BMPR1A: variants seen among roughly 807,000 people sequenced by gnomAD.
BMPR1A encodes the protein bone morphogenetic protein receptor type 1A, also known as bone morphogenetic protein receptor type-1A.
BMPR1A carries 7 observed loss-of-function variants against 66.0 expected under a neutral mutation model. The ratio of observed to expected loss-of-function variants is 0.11; its 90% CI spans 0.06 to 0.20. The LOEUF (loss-of-function observed/expected upper bound fraction) is 0.20, where lower values mean the gene tolerates loss of function less well. Among genes scored for constraint, BMPR1A ranks in the 10% least tolerant of loss-of-function variants. The pLI is 1.00. For synonymous variants in BMPR1A, 200 were observed against 229.7 expected (o/e 0.87, Z 1.17); for missense variants, 408 against 669.1 (o/e 0.61, Z 4.31).
chr10:86,828,381 G>A (rs531861032), intron 1 of BMPR1A, among the ~76,000 whole-genome samples: 56 of 152,212 alleles, frequency 3.7e-4, no homozygotes, highest in Non-Finnish European at 6.8e-4. Context: ...TCCAGGTAGC[G>A]GTTCACAAAG....
At chr10:86,868,102 T>G (rs1842807563) in intron 2 of BMPR1A, among the ~76,000 whole-genome samples, 1 of 152,190 alleles carries the variant, frequency 6.6e-6, no homozygotes, top group Non-Finnish European at 1.5e-5. Flanking sequence ...TTCACTTAGT[T>G]GCATGGTTGG....
chr10:86,792,043 G>A (rs1013673318), intron 1 of BMPR1A, among the ~76,000 whole-genome samples: 4 of 130,418 alleles, frequency 3.1e-5, no homozygotes, highest in East Asian at 2.3e-4. Context: ...TACCTTTAAT[G>A]TTGTTAATTA....
intron 1 of BMPR1A, among the ~76,000 whole-genome samples, chr10:86,797,231 ATT>A (rs1236270338): frequency 9.6e-5 from 8 of 83,768 alleles, no homozygotes; most frequent in Admixed American, 1.3e-4. Context: ...AGCCCGGCTA[ATT>A]TTTTTTTTTT....
At chr10:86,928,579 A>G (rs7094713), downstream of BMPR1A, 25,221 of 152,170 alleles carry the variant, frequency 0.17, 3,042 homozygotes, top group East Asian at 0.69. Flanking sequence ...TTGGGAAACA[A>G]CAGCAAATAA....
intron 2 of BMPR1A, among the ~76,000 whole-genome samples, chr10:86,875,110 C>T (rs918628589): frequency 3.3e-5 from 5 of 151,882 alleles, no homozygotes; most frequent in Non-Finnish European, 5.9e-5. Flanking sequence ...TGGTGACTCA[C>T]ACCTGTAATC....
intron 2 of BMPR1A, among the ~76,000 whole-genome samples, chr10:86,853,084 A>T (rs1842594015): frequency 6.6e-6 from 1 of 152,208 alleles, no homozygotes; most frequent in Non-Finnish European, 1.5e-5. Context: ...AGAAAGTCTT[A>T]AAAATAAAAT....
chr10:86,783,715 C>T (rs981999588), intron 1 of BMPR1A, among the ~76,000 whole-genome samples: 9 of 152,156 alleles, frequency 5.9e-5, no homozygotes, highest in African/African-American at 1.7e-4. Flanking sequence ...CAGCCTTCCG[C>T]GTAGCTGGGA....
chr10:86,764,538 T>G (rs1589704442), intron 1 of BMPR1A, among the ~76,000 whole-genome samples: 2 of 152,242 alleles, frequency 1.3e-5, no homozygotes, highest in East Asian at 3.8e-4. Flanking sequence ...AAGTACTGCT[T>G]TGGTCATCAT....
chr10:86,842,532 A>G (rs1288412472), intron 2 of BMPR1A, among the ~76,000 whole-genome samples: 1 of 152,168 alleles, frequency 6.6e-6, no homozygotes, highest in Non-Finnish European at 1.5e-5. Context: ...TTTGAATGCC[A>G]TGGCAAGGAG....
chr10:86,842,368 AG>A (rs781396052), intron 2 of BMPR1A, among the ~76,000 whole-genome samples: 5 of 152,200 alleles, frequency 3.3e-5, no homozygotes, highest in Non-Finnish European at 7.3e-5. Context: ...ACAGAAGGCA[AG>A]GGAATTAATT....
At chr10:86,848,046 C>T (rs187401191) in intron 2 of BMPR1A, among the ~76,000 whole-genome samples, 147 of 152,146 alleles carry the variant, frequency 9.7e-4, no homozygotes, top group Non-Finnish European at 1.5e-3. Flanking sequence ...ATTCTCCTGC[C>T]TCAGCCTCCC....
chr10:86,919,738 C>G (rs888016070), intron 10 of BMPR1A, among the ~76,000 whole-genome samples: 1 of 151,256 alleles, frequency 6.6e-6, no homozygotes, highest in Admixed American at 6.6e-5. Context: ...GACAGTGTCT[C>G]ACTCAGTTGC....
At chr10:86,931,242 CAAAAAAA>C (rs1163664422), downstream of BMPR1A, 1 of 50,240 alleles carries the variant, frequency 2.0e-5, no homozygotes, top group Non-Finnish European at 3.4e-5. Context: ...CTCCGTCTCT[CAAAAAAA>C]AAAAAAGAAA....
intron 7 of BMPR1A, among the ~76,000 whole-genome samples, chr10:86,904,497 A>G (rs1333328171): frequency 6.6e-6 from 1 of 152,228 alleles, no homozygotes; most frequent in Non-Finnish European, 1.5e-5. Flanking sequence ...CTATAGCCAG[A>G]GAAAATATCC....
intron 1 of BMPR1A, among the ~76,000 whole-genome samples, chr10:86,830,301 AAAACAGG>A (rs1461658332): frequency 3.3e-5 from 5 of 152,214 alleles, no homozygotes; most frequent in Admixed American, 1.3e-4. Context: ...GTTCTTTGCT[AAAACAGG>A]AATTTACAAG....
chr10:86,840,724 A>G (rs1051269022), intron 2 of BMPR1A, among the ~76,000 whole-genome samples: 17 of 152,058 alleles, frequency 1.1e-4, no homozygotes, highest in African/African-American at 4.1e-4. Context: ...TGCACCCGCT[A>G]TTTCTCCTTC....
At chr10:86,910,568 A>G (rs568649570) in intron 7 of BMPR1A, among the ~76,000 whole-genome samples, 1 of 152,278 alleles carries the variant, frequency 6.6e-6, no homozygotes, top group Non-Finnish European at 1.5e-5. Context: ...ATTCTCTTCT[A>G]AGGAAGTGAA....
chr10:86,892,240 A>G lies in BMPR1A; in HGVS notation c.333+11A>G. 1 of 1,605,538 alleles carries G rather than the reference A, an allele frequency of 6.2e-7. No individual in the cohort carries two copies. The highest frequency in any genetic ancestry group is 1.1e-5 in the South Asian group (1 of 90,846). On this transcript the variant is annotated intron_variant, in intron 5 of 12. Transcript: ENST00000372037. ...GATTTTCAGTGCAAAGTAAGATATA[A>G]TTTGGGACCCATGAGACAAAGAAGG...
At chr10:86,922,528 G>A (rs1843682080) in intron 11 of BMPR1A, among the ~76,000 whole-genome samples, 1 of 152,204 alleles carries the variant, frequency 6.6e-6, no homozygotes, top group Non-Finnish European at 1.5e-5. Context: ...GACTCGGCAT[G>A]TGGTTGTCCC....
Sources: gnomAD v4.1 joint callset for allele counts (sites outside exome capture counted in the v4.1 genomes callset) on GRCh38, gnomAD v4.1.1 for gene constraint, MANE v1.5 for transcripts, NCBI Gene and HGNC (gene_info 2026-07-23, HGNC 2026-07-21) for gene names.